Variants in PTCHD4 observed in about 807,000 individuals in gnomAD.
PTCHD4 encodes patched domain containing 4, also known as patched domain-containing protein 4.
Under a neutral mutation model 58.1 loss-of-function variants are expected in PTCHD4, and 33 were observed. The ratio of observed to expected loss-of-function variants is 0.57; its 90% CI spans 0.43 to 0.76. The LOEUF is 0.76. Ranked by LOEUF, PTCHD4 falls within the 30% of genes least tolerant of loss-of-function variation. PTCHD4 has a pLI of 0.00. For synonymous variants in PTCHD4, 478 were observed against 409.6 expected (o/e 1.17, Z -2.02); for missense variants, 1,058 against 1,027.1 (o/e 1.03, Z -0.41).
chr6:48,095,417 C>T (rs1208530228), intron 1 of PTCHD4, among the ~76,000 whole-genome samples: 1 of 152,162 alleles, frequency 6.6e-6, no homozygotes, highest in African/African-American at 2.4e-5. Flanking sequence ...GGCGCTGTGG[C>T]TCACGCCTGT....
At chr6:47,958,238 G>T (rs911716645) in intron 4 of PTCHD4, among the ~76,000 whole-genome samples, 3 of 152,130 alleles carry the variant, frequency 2.0e-5, no homozygotes, top group African/African-American at 7.2e-5. Context: ...TAAAGTTCCA[G>T]TGACCTGGAC....
At chr6:47,931,360 G>A (rs1765815713) in intron 4 of PTCHD4, among the ~76,000 whole-genome samples, 1 of 152,168 alleles carries the variant, frequency 6.6e-6, no homozygotes, top group Admixed American at 6.5e-5. Flanking sequence ...TGTGTACTTG[G>A]CACTTTTTTT....
chr6:48,063,691 C>T (rs767158158), intron 3 of PTCHD4, among the ~76,000 whole-genome samples: 4 of 152,144 alleles, frequency 2.6e-5, no homozygotes, highest in Non-Finnish European at 5.9e-5. Flanking sequence ...GTTTGAAACA[C>T]CTAGCACCAT....
intron 3 of PTCHD4, among the ~76,000 whole-genome samples, chr6:48,062,085 G>A (rs752266721): frequency 3.9e-5 from 6 of 152,262 alleles, no homozygotes; most frequent in Middle Eastern, 3.4e-3. Context: ...GTCAAATCAC[G>A]GTGTAATCGC....
intron 4 of PTCHD4, among the ~76,000 whole-genome samples, chr6:47,995,505 A>G (rs1456204885): frequency 1.3e-5 from 2 of 152,228 alleles, no homozygotes; most frequent in African/African-American, 4.8e-5. Context: ...GTTACCAGAC[A>G]GAGATTCTCA....
chr6:48,078,888 G>T (rs979605350), intron 1 of PTCHD4, among the ~76,000 whole-genome samples: 2 of 152,048 alleles, frequency 1.3e-5, no homozygotes, highest in African/African-American at 4.8e-5. Context: ...GGAGGCGGAG[G>T]CGGGCGGATC....
chr6:47,993,125 G>A lies in PTCHD4; in HGVS notation c.898+15509C>T, dbSNP rs139701341. Among the ~76,000 whole-genome samples, 11 of 152,224 alleles carry A rather than the reference G, an allele frequency of 7.2e-5. No individual in the cohort carries two copies. In the East Asian group the frequency reaches 2.1e-3, roughly 29 times the overall value. Reference sequence around the variant, plus strand: ...TATATTTGGAAAGTCTGACTGTAAGGCAACAATTATACGTCAAACTACTTT... The same window carrying A: ...TATATTTGGAAAGTCTGACTGTAAGACAACAATTATACGTCAAACTACTTT... On this transcript the variant is annotated intron_variant, in intron 4 of 4. Coordinates refer to ENST00000339488, the MANE Select transcript of PTCHD4 (RefSeq NM_001384253.1).
chr6:47,862,039 C>CT lies in PTCHD4; in HGVS notation c.*16263dup, dbSNP rs1195375532. On this transcript the variant is annotated 3_prime_UTR_variant, in exon 5 of 5. Transcript: ENST00000339488. ...CTATTATTGAACATAACCCAGTACT[C>CT]TAAGTATTCGAATTTAATACAAAAA... Among the ~76,000 whole-genome samples, 1 of 151,832 alleles carries CT rather than the reference C, an allele frequency of 6.6e-6. No homozygotes were observed. The highest frequency in any genetic ancestry group is 2.4e-5 in the African/African-American group (1 of 41,390).
rs1230668455 is a variant in PTCHD4, at chr6:47,858,609, T to A, written c.*19694A>T. Among the ~76,000 whole-genome samples the A allele has an allele frequency of 6.6e-6, 1 of 151,988 alleles. No individual in the cohort carries two copies. The highest frequency in any genetic ancestry group is 1.5e-5 in the Non-Finnish European group (1 of 67,964). On this transcript the variant is annotated 3_prime_UTR_variant, in exon 5 of 5. Transcript: ENST00000339488. ...TAAATTATCAATTATTTTGGAGAGA[T>A]TCTAATAAGGATAAACTAAGGCATA...
At chr6:48,041,533 TA>T (rs932789179) in intron 3 of PTCHD4, among the ~76,000 whole-genome samples, 10 of 152,116 alleles carry the variant, frequency 6.6e-5, no homozygotes, top group African/African-American at 2.2e-4. Context: ...CTTCCATCAT[TA>T]AAGTGTTTTA....
At chr6:48,035,934 G>A (rs535338032) in intron 3 of PTCHD4, among the ~76,000 whole-genome samples, 1 of 152,128 alleles carries the variant, frequency 6.6e-6, no homozygotes, top group South Asian at 2.1e-4. Context: ...CTCCCCCACT[G>A]AAAAATCCCA....
chr6:48,048,014 C>T (rs3904328), intron 3 of PTCHD4, among the ~76,000 whole-genome samples: 2 of 81,708 alleles, frequency 2.4e-5, no homozygotes, highest in East Asian at 3.6e-4. Flanking sequence ...AATAAGCATT[C>T]TAGTAAAAAA....
rs1296029698 is a variant in PTCHD4 at position 47,874,791 on chromosome 6, C to T, written c.*3512G>A. On this transcript the variant is annotated 3_prime_UTR_variant, in exon 5 of 5. Coordinates refer to ENST00000339488, the MANE Select transcript of PTCHD4 (RefSeq NM_001384253.1). ...CTTTCATAGAATACTCATGCACAGC[C>T]TTCAAAGAGGTTCATAGTAACTGCA... Among the ~76,000 whole-genome samples, 1 of 151,762 alleles carries T rather than the reference C, an allele frequency of 6.6e-6. No individual in the cohort carries two copies. Among genetic ancestry groups the T allele is most frequent in the African/African-American group, 2.4e-5 (1 of 41,382 alleles).
At chr6:48,001,398 T>C (rs1298659481) in intron 4 of PTCHD4, among the ~76,000 whole-genome samples, 1 of 152,168 alleles carries the variant, frequency 6.6e-6, no homozygotes, top group East Asian at 1.9e-4. Context: ...ATGGTACTGG[T>C]ACCAAAACAG....
At chr6:48,107,326 A>T (rs1290847627) in intron 1 of PTCHD4, among the ~76,000 whole-genome samples, 1 of 152,348 alleles carries the variant, frequency 6.6e-6, no homozygotes, top group African/African-American at 2.4e-5. Context: ...TCTTTGACAA[A>T]CCTGACAAAA....
At chr6:47,935,082 T>C (rs909879649) in intron 4 of PTCHD4, among the ~76,000 whole-genome samples, 2 of 152,196 alleles carry the variant, frequency 1.3e-5, no homozygotes, top group Non-Finnish European at 2.9e-5. Flanking sequence ...TCCAGTAAGT[T>C]GGGTTTGTGT....
intron 4 of PTCHD4, among the ~76,000 whole-genome samples, chr6:47,888,612 G>C (rs1764272370): frequency 6.6e-6 from 1 of 152,036 alleles, no homozygotes; most frequent in Non-Finnish European, 1.5e-5. Flanking sequence ...CAGTCATTTT[G>C]ACAATTTATT....
At position 47,860,441 on chromosome 6, in the gene PTCHD4, G is replaced by A. The variant is rs1763397575; in HGVS notation, c.*17862C>T. On this transcript the variant is annotated 3_prime_UTR_variant, in exon 5 of 5. Coordinates refer to ENST00000339488, the MANE Select transcript of PTCHD4 (RefSeq NM_001384253.1). Reference sequence around the variant, plus strand: ...CATTAAGGTAGAACTCAGTGGATAAGACACATGATCTGATTTTGTTTAGTA... The same window carrying A: ...CATTAAGGTAGAACTCAGTGGATAAAACACATGATCTGATTTTGTTTAGTA... Among the ~76,000 whole-genome samples the A allele has an allele frequency of 6.6e-6, 1 of 152,004 alleles. No homozygotes were observed. The highest frequency in any genetic ancestry group is 2.1e-4 in the South Asian group (1 of 4,822).
In PTCHD4 at chr6:48,055,609, A is replaced by T. The variant is rs16876980; in HGVS notation, c.417+12621T>A. 3.3e-3 allele frequency among the ~76,000 whole-genome samples: 508 copies of T among 152,322 alleles called. 6 individuals are homozygous for T. The highest frequency in any genetic ancestry group is 0.01 in the African/African-American group (432 of 41,574). The stretch of plus-strand genomic sequence containing the variant: ...CTTAAAAACAATCCCCAAGGTGAAA[A>T]TAATTGAAAGAATGAAATGAAAATA... On this transcript the variant is annotated intron_variant, in intron 3 of 4. Transcript: ENST00000339488.
Sources: allele counts gnomAD v4.1 joint callset (sites outside exome capture counted in the v4.1 genomes callset), GRCh38; gene constraint gnomAD v4.1.1; transcripts MANE v1.5; gene names NCBI Gene and HGNC (gene_info 2026-07-23, HGNC 2026-07-21).